TCTN1: variants seen among roughly 807,000 people sequenced by gnomAD.
TCTN1 encodes tectonic-1.
Under a neutral mutation model 65.8 loss-of-function variants are expected in TCTN1, and 58 were observed. The ratio of observed to expected loss-of-function variants is 0.88; its 90% confidence interval spans 0.71 to 1.10. TCTN1 has a LOEUF of 1.10. Ranked by LOEUF, TCTN1 falls within the 50% of genes least tolerant of loss-of-function variation. TCTN1 has a pLI of 0.00. For synonymous variants in TCTN1, 273 were observed against 289.1 expected (o/e 0.94, Z 0.57); for missense variants, 645 against 719.4 (o/e 0.90, Z 1.18).
At chr12:110,647,691 T>G in intron 13 of TCTN1, 58 bp from the exon 14 acceptor site, 1 of 1,610,616 alleles carries the variant, frequency 6.2e-7, no homozygotes, top group Non-Finnish European at 8.5e-7. Flanking sequence ...AGTGTCTCAT[T>G]GTTGTCATTC....
rs1593377969 is a variant in TCTN1, at chr12:110,645,273, C to T, written c.1494+144C>T. The T allele has an allele frequency of 3.4e-5, 38 of 1,107,024 alleles. No homozygotes were observed. The East Asian group carries it at 9.8e-4, about 29-fold the overall frequency. 68.6% of individuals were successfully genotyped at this position (1,107,024 alleles called of 1,614,324 possible). A position where few individuals can be genotyped will look rare whatever the true frequency, so the allele number is the denominator to read the frequency against. On this transcript the variant is annotated intron_variant, in intron 12 of 14. Transcript: ENST00000397659. ...GCTGAATCTTGGATACTGATTTTTG[C>T]CCCTTGTTAGCAATGTTGCCTCTGG...
At position 110,641,128 on chromosome 12, in the gene TCTN1, G is replaced by A; in HGVS notation, c.1083G>A (p.Lys361=). Residue 361 remains lysine (K), a synonymous_variant, in exon 9 of 15, where the codon AAG becomes AAA. Transcript: ENST00000397659. ...GCGTAGTGGTCCCACTGCAGCAAAA[G>A]TTTGAAATTCATTTTCTTCAGGTAA... ...VSSVVVPLQQ[K]FEIHFLQENT... The A allele has an allele frequency of 6.2e-7, 1 of 1,614,200 alleles. No individual in the cohort carries two copies. Among genetic ancestry groups the A allele is most frequent in the Non-Finnish European group, 8.5e-7 (1 of 1,180,032 alleles).
At chr12:110,633,232 C>T (rs1212434002) in intron 5 of TCTN1, among the ~76,000 whole-genome samples, 2 of 152,214 alleles carry the variant, frequency 1.3e-5, no homozygotes, top group African/African-American at 4.8e-5. Context: ...CCCAAGGGGC[C>T]TCACTATGAA....
intron 3 of TCTN1, 108 bp downstream of exon 3, chr12:110,626,600 G>C: frequency 8.0e-7 from 1 of 1,242,382 alleles, no homozygotes; most frequent in South Asian, 1.3e-5. Context: ...GTTTTTTTGA[G>C]ACAGAGTCTT....
At position 110,640,294 on chromosome 12, in the gene TCTN1, C is replaced by T. The variant is rs2066866969; in HGVS notation, c.844-89C>T. The T allele has an allele frequency of 6.5e-7, 1 of 1,537,694 alleles. No individual in the cohort carries two copies. The highest frequency in any genetic ancestry group is 9.0e-7 in the Non-Finnish European group (1 of 1,114,390). ...TGCTTCCCCCTACTTGGCCATATATCAGGGGAGGTTTCTTTCCAGTTGGTT... is the reference window on the plus strand; with the variant it reads ...TGCTTCCCCCTACTTGGCCATATATTAGGGGAGGTTTCTTTCCAGTTGGTT... On this transcript the variant is annotated intron_variant, in intron 7 of 14. Transcript: ENST00000397659. This position sits in a 1 kb window ranked among gnomAD's most constrained non-coding sequence, Gnocchi z 4.9.
intron 5 of TCTN1, 155 bp downstream of exon 5, chr12:110,632,714 A>G: frequency 2.8e-6 from 2 of 726,548 alleles, no homozygotes; most frequent in Non-Finnish European, 4.7e-6. Flanking sequence ...GTCATCATTA[A>G]ACAGGCCTCG....
chr12:110,626,311 AT>A, intron 2 of TCTN1, 50 bp from the exon 3 acceptor site: 1 of 1,535,324 alleles, frequency 6.5e-7, no homozygotes, highest in Non-Finnish European at 8.8e-7. Context: ...TTTTGCTAAG[AT>A]TGTGTGCTTA....
chr12:110,642,401 A>G lies in TCTN1; in HGVS notation c.1331+12A>G. On this transcript the variant is annotated intron_variant, in intron 11 of 14. Transcript: ENST00000397659. Reference sequence around the variant, plus strand: ...GGCTGTAAACTAAGGTAAAAGAGTCACTTGTTTCTGTTTGAACTTGTGCTG... The same window carrying G: ...GGCTGTAAACTAAGGTAAAAGAGTCGCTTGTTTCTGTTTGAACTTGTGCTG... The G allele has an allele frequency of 6.2e-7, 1 of 1,614,124 alleles. No homozygotes were observed. The highest frequency in any genetic ancestry group is 8.5e-7 in the Non-Finnish European group (1 of 1,180,018).
intron 1 of TCTN1, among the ~76,000 whole-genome samples, chr12:110,615,459 T>C (rs1203633275): frequency 3.3e-5 from 5 of 152,150 alleles, no homozygotes; most frequent in African/African-American, 7.2e-5. Context: ...CCAATAGATA[T>C]GCAGTACTTT....
Position 110,647,122 on chromosome 12 carries a change from C to T in TCTN1, c.1495-74C>T, listed in dbSNP as rs2067375429. 1.5e-5 allele frequency: 24 copies of T among 1,566,720 alleles called. No individual in the cohort carries two copies. In the South Asian group the frequency reaches 2.7e-4, roughly 17 times the overall value. ...TCAGAACATTTTGTAATATGTGAAA[C>T]CTTTTATAATTAAAACTCTGAACTG... On this transcript the variant is annotated intron_variant, in intron 12 of 14. Transcript: ENST00000397659.
chr12:110,645,476 C>T, intron 12 of TCTN1: 1 of 349,056 alleles, frequency 2.9e-6, no homozygotes, highest in South Asian at 2.4e-5. Context: ...CATCCTGTTG[C>T]TACCATCATT....
intron 12 of TCTN1, chr12:110,646,289 T>C (rs181613825): frequency 6.6e-6 from 1 of 152,338 alleles, no homozygotes; most frequent in East Asian, 1.9e-4. Flanking sequence ...TCTGCATGGT[T>C]TTTAAAGGCG....
chr12:110,619,755 T>C (rs577094913), intron 1 of TCTN1, 81 bp from the exon 2 acceptor site: 1 of 1,604,504 alleles, frequency 6.2e-7, no homozygotes, highest in Non-Finnish European at 8.5e-7. Flanking sequence ...TGAAATTGAC[T>C]TATGGTACAC....
chr12:110,645,074 A>G lies in TCTN1; in HGVS notation c.1439A>G (p.Gln480Arg). 1 of 1,614,154 alleles carries G rather than the reference A, an allele frequency of 6.2e-7. No homozygotes were observed. ...YVAPFGNSQA[Q>R]DMLDWVPIHF... ...GCCCCTTTTGGAAATTCCCAGGCCC[A>G]GGACATGCTGGACTGGGTGCCCATC... Residue 480 changes from glutamine to arginine, a missense_variant, in exon 12 of 15, where the codon CAG becomes CGG. Physicochemically the swap from Gln to Arg is conservative, Grantham distance 43. Coordinates refer to ENST00000397659, the MANE Select transcript of TCTN1 (RefSeq NM_001082538.3).
intron 12 of TCTN1, chr12:110,646,936 A>G (rs755344320): frequency 1.3e-5 from 6 of 469,728 alleles, no homozygotes; most frequent in Non-Finnish European, 2.3e-5. Context: ...TATTGGCACT[A>G]CCGCAGTTTC....
At chr12:110,645,440 C>A in intron 12 of TCTN1, 1 of 391,158 alleles carries the variant, frequency 2.6e-6, no homozygotes. Flanking sequence ...GCCTAGTGGT[C>A]CATAAATGGG....
chr12:110,641,128 G>C lies in TCTN1; in HGVS notation c.1083G>C (p.Lys361Asn). 1.2e-6 allele frequency: 2 copies of C among 1,614,200 alleles called. No individual in the cohort carries two copies. The highest frequency in any genetic ancestry group is 1.7e-6 in the Non-Finnish European group (2 of 1,180,032). ...GCGTAGTGGTCCCACTGCAGCAAAA[G>C]TTTGAAATTCATTTTCTTCAGGTAA... Reference protein sequence around the residue: ...VSSVVVPLQQKFEIHFLQENT... With the variant: ...VSSVVVPLQQNFEIHFLQENT... The change falls in exon 9 of 15, where the codon AAG (lysine) becomes AAC (asparagine). Residue 361 changes from lysine to asparagine, a missense_variant. Transcript: ENST00000397659.
chr12:110,621,715 G>A (rs1328395240), intron 2 of TCTN1, among the ~76,000 whole-genome samples: 1 of 151,626 alleles, frequency 6.6e-6, no homozygotes, highest in Non-Finnish European at 1.5e-5. Flanking sequence ...CTCGTGATCC[G>A]CCCACCTCGG....
At position 110,632,578 on chromosome 12, in the gene TCTN1, T is replaced by G. The variant is rs1407011800; in HGVS notation, c.712+19T>G. The G allele has an allele frequency of 4.3e-6, 7 of 1,612,184 alleles. No individual in the cohort carries two copies. The highest frequency in any genetic ancestry group is 5.9e-6 in the Non-Finnish European group (7 of 1,178,410). The stretch of plus-strand genomic sequence containing the variant: ...CCTGCAGGTAAGAAAGTGGTCATTC[T>G]TCTTTCCTTAGACATTTGCTGTTAT... On this transcript the variant is annotated intron_variant, in intron 5 of 14. Transcript: ENST00000397659.
Sources: gnomAD v4.1 joint callset for allele counts (sites outside exome capture counted in the v4.1 genomes callset) on GRCh38, gnomAD v4.1.1 for gene constraint, Gnocchi (gnomAD v3.1) non-coding constraint, MANE v1.5 for transcripts, NCBI Gene and HGNC (gene_info 2026-07-23, HGNC 2026-07-21) for gene names.